The following KAZN variants were observed in gnomAD, a reference collection of about 807,000 sequenced individuals.
The protein encoded by KAZN is kazrin.
KAZN carries 40 observed loss-of-function variants against 87.4 expected under a neutral mutation model. That is an observed-to-expected ratio of 0.46 (90% CI 0.36 to 0.60). The LOEUF is 0.60. Ranked by LOEUF, KAZN falls within the 20% of genes least tolerant of loss-of-function variation. The probability of loss-of-function intolerance (pLI) is 0.00; values close to 1 mark genes in which losing one functional copy is unlikely to be tolerated. For missense variants in KAZN, 898 were observed against 1,073.9 expected (o/e 0.84, Z 2.29); for synonymous variants, 466 against 458.3 (o/e 1.02, Z -0.22).
intron 1 of KAZN, among the ~76,000 whole-genome samples, chr1:14,179,666 AG>A (rs1175903704): frequency 5.3e-5 from 8 of 152,266 alleles, no homozygotes; most frequent in African/African-American, 1.9e-4. Context: ...CCATGAGGAA[AG>A]AAATATTAAT....
intron 2 of KAZN, among the ~76,000 whole-genome samples, chr1:14,208,657 T>A (rs1646791665): frequency 6.6e-6 from 1 of 152,232 alleles, no homozygotes; most frequent in Admixed American, 6.5e-5. Context: ...TTTGCCAAGC[T>A]GAGCTTTTAT....
At chr1:14,798,202 G>A (rs1458294722) in intron 1 of KAZN, among the ~76,000 whole-genome samples, 2 of 152,064 alleles carry the variant, frequency 1.3e-5, no homozygotes, top group Non-Finnish European at 2.9e-5. Flanking sequence ...CAATGCAAAC[G>A]GGAAAGGAGT....
intron 2 of KAZN, among the ~76,000 whole-genome samples, chr1:14,524,653 C>T (rs1306346358): frequency 1.3e-5 from 2 of 152,176 alleles, no homozygotes; most frequent in Non-Finnish European, 2.9e-5. Flanking sequence ...CAGTCTGCCA[C>T]GACTGTGCTT....
At chr1:13,902,734 A>G (rs75162541) in intron 1 of KAZN, among the ~76,000 whole-genome samples, 3,942 of 152,258 alleles carry the variant, frequency 0.026, 150 homozygotes, top group African/African-American at 0.09. Flanking sequence ...GATGATGAAT[A>G]TTTCTCCCTA....
chr1:14,493,183 C>T (rs1276001568), intron 2 of KAZN, among the ~76,000 whole-genome samples: 4 of 151,774 alleles, frequency 2.6e-5, no homozygotes, highest in African/African-American at 9.7e-5. Context: ...AATCTTAGGA[C>T]TGCCTGCCCC....
At chr1:13,903,743 G>A (rs571306236) in intron 1 of KAZN, among the ~76,000 whole-genome samples, 1 of 152,346 alleles carries the variant, frequency 6.6e-6, no homozygotes, top group South Asian at 2.1e-4. Context: ...TAGGGAATTA[G>A]AGGAGTGATG....
At chr1:14,341,163 GA>G (rs562415935) in intron 2 of KAZN, among the ~76,000 whole-genome samples, 462 of 1,020 alleles carry the variant, frequency 0.45, 1 homozygote, top group African/African-American at 0.49. Context: ...AAAGTGTTGG[GA>G]TTAACAGGCA....
intron 1 of KAZN, among the ~76,000 whole-genome samples, chr1:14,699,953 C>T (rs1051385945): frequency 1.1e-4 from 16 of 152,050 alleles, no homozygotes; most frequent in African/African-American, 3.1e-4. Flanking sequence ...CTAGAGAGTG[C>T]GCAGTCCAGG....
intron 1 of KAZN, among the ~76,000 whole-genome samples, chr1:13,974,757 C>T (rs1484497213): frequency 3.9e-5 from 6 of 152,248 alleles, no homozygotes; most frequent in Middle Eastern, 3.4e-3. Context: ...GCCTCCAGAA[C>T]GGTGTGGGAG....
At chr1:13,908,822 G>A (rs1404685482) in intron 1 of KAZN, among the ~76,000 whole-genome samples, 1 of 152,318 alleles carries the variant, frequency 6.6e-6, no homozygotes, top group Admixed American at 6.5e-5. Context: ...GAAATCCACG[G>A]TGACAAGACC....
intron 2 of KAZN, among the ~76,000 whole-genome samples, chr1:14,214,460 C>G (rs936692883): frequency 6.6e-5 from 10 of 152,150 alleles, no homozygotes; most frequent in African/African-American, 2.4e-4. Flanking sequence ...ACCCCCAACT[C>G]AGCTTAATTG....
intron 2 of KAZN, among the ~76,000 whole-genome samples, chr1:14,976,811 T>G (rs1250960490): frequency 6.6e-6 from 1 of 152,116 alleles, no homozygotes; most frequent in East Asian, 1.9e-4. Context: ...CTCAGCACTT[T>G]GGGAGGCCGA....
intron 2 of KAZN, among the ~76,000 whole-genome samples, chr1:14,555,973 A>G (rs1216664907): frequency 6.6e-6 from 1 of 152,226 alleles, no homozygotes; most frequent in Admixed American, 6.5e-5. Flanking sequence ...ATTACATCAG[A>G]GAGCAATGGT....
At chr1:14,791,638 G>A (rs541978517) in intron 1 of KAZN, among the ~76,000 whole-genome samples, 2 of 152,226 alleles carry the variant, frequency 1.3e-5, no homozygotes, top group Non-Finnish European at 2.9e-5. Flanking sequence ...AGATGCCCAA[G>A]AGTCCACTGA....
chr1:13,980,170 G>T (rs1344410796), intron 1 of KAZN, among the ~76,000 whole-genome samples: 1 of 152,002 alleles, frequency 6.6e-6, no homozygotes, highest in Non-Finnish European at 1.5e-5. Context: ...GAATCTAATG[G>T]AAGGAGAAAA....
At chr1:14,704,033 T>A (rs1487954904) in intron 1 of KAZN, among the ~76,000 whole-genome samples, 1 of 152,206 alleles carries the variant, frequency 6.6e-6, no homozygotes, top group Non-Finnish European at 1.5e-5. Context: ...CCACCCAGCG[T>A]CAGCTCTTGG....
chr1:14,986,594 A>C (rs1666846813), intron 2 of KAZN, among the ~76,000 whole-genome samples: 1 of 152,152 alleles, frequency 6.6e-6, no homozygotes, highest in African/African-American at 2.4e-5. Context: ...TGGGCCACTG[A>C]GTACGGCTGG....
intron 2 of KAZN, among the ~76,000 whole-genome samples, chr1:14,235,298 G>T (rs1648303018): frequency 6.6e-6 from 1 of 151,590 alleles, no homozygotes; most frequent in African/African-American, 2.4e-5. Context: ...CCATAAAAAA[G>T]GATGAACTAC....
At chr1:14,104,052 G>A (rs908286527) in intron 1 of KAZN, among the ~76,000 whole-genome samples, 8 of 152,214 alleles carry the variant, frequency 5.3e-5, no homozygotes, top group Non-Finnish European at 7.3e-5. Context: ...TGGAGACAGC[G>A]AAGACACTGC....
Sources: gnomAD v4.1 joint callset for allele counts (sites outside exome capture counted in the v4.1 genomes callset) on GRCh38, gnomAD v4.1.1 for gene constraint, MANE v1.5 for transcripts, NCBI Gene and HGNC (gene_info 2026-07-23, HGNC 2026-07-21) for gene names.